Variants in ELF1 observed in about 807,000 individuals in gnomAD.
ELF1 encodes E74 like ETS transcription factor 1, also known as ETS-related transcription factor Elf-1.
ELF1 carries 24 observed loss-of-function variants against 59.9 expected under a neutral mutation model. The ratio of observed to expected loss-of-function variants is 0.40; its 90% CI spans 0.29 to 0.56. The LOEUF (loss-of-function observed/expected upper bound fraction) is 0.56, where lower values mean the gene tolerates loss of function less well. Ranked by LOEUF, ELF1 falls within the 20% of genes least tolerant of loss-of-function variation. ELF1 has a pLI of 0.44. For missense variants in ELF1, 627 were observed against 742.2 expected (o/e 0.84, Z 1.80); for synonymous variants, 248 against 266.2 (o/e 0.93, Z 0.67).
rs1432105916 is a variant in ELF1 at position 40,932,865 on chromosome 13, A to C, written c.*560T>G. On this transcript the variant is annotated 3_prime_UTR_variant, in exon 9 of 9. Transcript: ENST00000239882. ...ATGCTTTTATACTATCCTGCTTCTG[A>C]AACAGGGTCAGCCATACCACCAGCA... The C allele has an allele frequency of 6.5e-6, 1 of 153,196 alleles. No homozygotes were observed. The highest frequency in any genetic ancestry group is 2.4e-5 in the African/African-American group (1 of 41,446). 9.5% of individuals were successfully genotyped at this position (153,196 alleles called of 1,614,324 possible). A position where few individuals can be genotyped will look rare whatever the true frequency, so the allele number is the denominator to read the frequency against.
chr13:41,002,350 AATC>A (rs1874501510), intron 1 of ELF1, among the ~76,000 whole-genome samples: 1 of 152,078 alleles, frequency 6.6e-6, no homozygotes, highest in African/African-American at 2.4e-5. Context: ...GGCCTGCAGA[AATC>A]ATATCAGGGC....
rs1371587770 is a variant in ELF1 at position 40,933,309 on chromosome 13, T to C, written c.*116A>G. 7 of 1,336,254 alleles carry C rather than the reference T, an allele frequency of 5.2e-6. No homozygotes were observed. Among genetic ancestry groups the C allele is most frequent in the Non-Finnish European group, 7.0e-6 (7 of 998,282 alleles). 82.8% of individuals were successfully genotyped at this position (1,336,254 alleles called of 1,614,324 possible). ...CTAACAAAGTCAAAATTAACTCTAT[T>C]TTTAACAATTACAAAATTAGAAACC... On this transcript the variant is annotated 3_prime_UTR_variant, in exon 9 of 9. Transcript: ENST00000239882.
At chr13:40,943,733 T>A in intron 6 of ELF1, 109 bp downstream of exon 6, 1 of 808,684 alleles carries the variant, frequency 1.2e-6, no homozygotes, top group Non-Finnish European at 1.8e-6. Context: ...GTGGCAGCAA[T>A]AAGATCCACT....
chr13:40,965,797 A>C (rs1175828337), intron 2 of ELF1, among the ~76,000 whole-genome samples: 1 of 152,236 alleles, frequency 6.6e-6, no homozygotes, highest in Non-Finnish European at 1.5e-5. Context: ...TATTTGCATC[A>C]TGAAATCTAA....
At chr13:41,057,955 AT>A (rs1877349703) in intron 1 of ELF1, among the ~76,000 whole-genome samples, 1 of 152,218 alleles carries the variant, frequency 6.6e-6, no homozygotes, top group South Asian at 2.1e-4. Context: ...TTAAGCCTAG[AT>A]TTCATTCCTA....
At chr13:40,962,697 GA>G (rs1051817050) in intron 2 of ELF1, among the ~76,000 whole-genome samples, 50 of 144,682 alleles carry the variant, frequency 3.5e-4, no homozygotes, top group African/African-American at 1.2e-3. Flanking sequence ...AAAAAAAAAA[GA>G]AGAAGAAGAA....
At chr13:40,978,277 C>T (rs539845884) in intron 2 of ELF1, among the ~76,000 whole-genome samples, 1 of 151,896 alleles carries the variant, frequency 6.6e-6, no homozygotes, top group Admixed American at 6.6e-5. Context: ...ACTTGGGAAG[C>T]TGAGGCAGAA....
At chr13:41,015,260 T>A (rs1380677654) in intron 1 of ELF1, among the ~76,000 whole-genome samples, 1 of 151,822 alleles carries the variant, frequency 6.6e-6, no homozygotes, top group African/African-American at 2.4e-5. Context: ...ATGGCCAATA[T>A]GGCAGTAGGT....
chr13:41,039,006 CAAAA>C (rs11405097), intron 1 of ELF1, among the ~76,000 whole-genome samples: 8 of 76,568 alleles, frequency 1.0e-4, no homozygotes, highest in Non-Finnish European at 7.2e-5. Flanking sequence ...GAGACTTTGT[CAAAA>C]AAAAAAAAAA....
intron 1 of ELF1, among the ~76,000 whole-genome samples, chr13:41,036,509 C>T (rs2138414481): frequency 6.6e-6 from 1 of 152,276 alleles, no homozygotes; most frequent in African/African-American, 2.4e-5. Context: ...GTTGGTGGGA[C>T]TGTAAACTAG....
At chr13:41,008,652 T>A (rs1004342518) in intron 1 of ELF1, among the ~76,000 whole-genome samples, 1 of 152,164 alleles carries the variant, frequency 6.6e-6, no homozygotes, top group South Asian at 2.1e-4. Flanking sequence ...AGTTCATTCA[T>A]AGGTTTTCAG....
intron 2 of ELF1, among the ~76,000 whole-genome samples, chr13:40,960,810 G>C (rs76039958): frequency 0.013 from 1,967 of 152,166 alleles, 54 homozygotes; most frequent in African/African-American, 0.045. Context: ...TGTATCTTGT[G>C]GGAAGTTAAC....
chr13:40,970,838 C>T lies in ELF1; in HGVS notation c.72+11145G>A, dbSNP rs575791153. Among the ~76,000 whole-genome samples the T allele has an allele frequency of 9.9e-5, 15 of 152,268 alleles. No homozygotes were observed. The South Asian group carries it at 1.9e-3, about 19-fold the overall frequency. The stretch of plus-strand genomic sequence containing the variant: ...TTTCAACTAAAAAAACTCACTACAG[C>T]GCTGTGTAAAAAGTGTTCTCTAGTC... On this transcript the variant is annotated intron_variant, in intron 2 of 8. Transcript: ENST00000239882.
At chr13:40,946,173 GTTCT>G (rs1870498893) in intron 5 of ELF1, among the ~76,000 whole-genome samples, 1 of 152,168 alleles carries the variant, frequency 6.6e-6, no homozygotes, top group Non-Finnish European at 1.5e-5. Flanking sequence ...ATTCCATTTG[GTTCT>G]TTATCATACC....
In ELF1 at chr13:40,941,058, G is replaced by C. The variant is rs763304074; in HGVS notation, c.1119C>G (p.Pro373=). ...GCTGGGTAGGATATGGAGACTGCGT[G>C]GGCTGCACTGTCCTCAAAACTTCTG... ...QPSEVLRTVQ[P]TQSPYPTQLF... The change falls in exon 8 of 9, where the codon CCC becomes CCG. Residue 373 remains proline (P), a synonymous_variant. Transcript: ENST00000239882. The C allele has an allele frequency of 1.2e-6, 2 of 1,614,174 alleles. No homozygotes were observed. Among genetic ancestry groups the C allele is most frequent in the South Asian group, 2.2e-5 (2 of 91,082 alleles).
chr13:40,965,715 G>C (rs1015966041), intron 2 of ELF1, among the ~76,000 whole-genome samples: 2 of 151,950 alleles, frequency 1.3e-5, no homozygotes, highest in Admixed American at 1.3e-4. Flanking sequence ...TTTAAAAAAT[G>C]ACCTTCCAAA....
Position 40,933,573 on chromosome 13 carries a change from T to C in ELF1, c.1712A>G (p.Lys571Arg). The C allele has an allele frequency of 6.2e-7, 1 of 1,614,266 alleles. No individual in the cohort carries two copies. The highest frequency in any genetic ancestry group is 2.2e-5 in the East Asian group (1 of 44,890). ...ETKTLTQEVEKKESEDHLKEN... is the reference protein window; with the variant it reads ...ETKTLTQEVERKESEDHLKEN... ...TTTCAAATGATCTTCAGATTCCTTT[T>C]TCTCTACTTCCTGTGTAAGAGTTTT... Residue 571 changes from lysine to arginine, a missense_variant, in exon 9 of 9, where the codon AAA (lysine) becomes AGA (arginine). Coordinates refer to ENST00000239882, the MANE Select transcript of ELF1 (RefSeq NM_172373.4).
intron 1 of ELF1, among the ~76,000 whole-genome samples, chr13:41,026,929 T>C (rs1030949337): frequency 6.6e-5 from 10 of 152,188 alleles, no homozygotes; most frequent in African/African-American, 1.9e-4. Flanking sequence ...TACAATCAGC[T>C]GACAGAGCCT....
At chr13:40,968,612 G>A (rs551986923) in intron 2 of ELF1, among the ~76,000 whole-genome samples, 2 of 151,912 alleles carry the variant, frequency 1.3e-5, no homozygotes, top group Non-Finnish European at 2.9e-5. Context: ...TTTCTGTGAA[G>A]AATTCTTCAT....
Sources: gnomAD v4.1 joint callset for allele counts (sites outside exome capture counted in the v4.1 genomes callset) on GRCh38, gnomAD v4.1.1 for gene constraint, MANE v1.5 for transcripts, NCBI Gene and HGNC (gene_info 2026-07-23, HGNC 2026-07-21) for gene names.